TNIK: variants seen among roughly 807,000 people sequenced by gnomAD.
TNIK encodes the protein TRAF2 and NCK-interacting protein kinase.
Under a neutral mutation model 191.3 loss-of-function variants are expected in TNIK, and 49 were observed. The ratio of observed to expected loss-of-function variants is 0.26; its 90% CI spans 0.20 to 0.32. The LOEUF (loss-of-function observed/expected upper bound fraction) is 0.32. Among genes scored for constraint, TNIK ranks in the 10% least tolerant of loss-of-function variants. The probability of loss-of-function intolerance (pLI) is 1.00; values close to 1 mark genes in which losing one functional copy is unlikely to be tolerated. For missense variants in TNIK, 1,155 were observed against 1,702.3 expected (o/e 0.68, Z 5.66); for synonymous variants, 594 against 600.9 (o/e 0.99, Z 0.17).
chr3:171,205,251 C>T (rs1408686499), intron 4 of TNIK, among the ~76,000 whole-genome samples: 2 of 152,126 alleles, frequency 1.3e-5, no homozygotes, highest in African/African-American at 2.4e-5. Context: ...CTTGATTTGT[C>T]ACCACATCAA....
chr3:171,271,762 A>G (rs1749132946), intron 2 of TNIK, among the ~76,000 whole-genome samples: 1 of 152,228 alleles, frequency 6.6e-6, no homozygotes, highest in South Asian at 2.1e-4. Context: ...ACAACCTATT[A>G]TATATAACTT....
chr3:171,090,237 G>C (rs1721883810), intron 23 of TNIK, among the ~76,000 whole-genome samples: 1 of 152,074 alleles, frequency 6.6e-6, no homozygotes, highest in African/African-American at 2.4e-5. Flanking sequence ...GGCAGCAAGA[G>C]AGCCAGAGAC....
intron 2 of TNIK, among the ~76,000 whole-genome samples, chr3:171,368,799 C>T (rs912431380): frequency 1.3e-5 from 2 of 152,028 alleles, no homozygotes; most frequent in East Asian, 1.9e-4. Context: ...CATCCCATAT[C>T]GCTGCCACTA....
chr3:171,227,278 C>T (rs1420673870), intron 3 of TNIK, among the ~76,000 whole-genome samples: 1 of 152,120 alleles, frequency 6.6e-6, no homozygotes. Flanking sequence ...ATTATCCAGG[C>T]AGAAATTTTG....
intron 2 of TNIK, among the ~76,000 whole-genome samples, chr3:171,253,607 C>G (rs547650683): frequency 1.3e-3 from 184 of 144,254 alleles, no homozygotes; most frequent in African/African-American, 4.4e-3. Flanking sequence ...CCACCCCACC[C>G]CCAGTTATCT....
At chr3:171,411,840 G>C (rs763148954) in intron 1 of TNIK, among the ~76,000 whole-genome samples, 19 of 152,228 alleles carry the variant, frequency 1.2e-4, no homozygotes, top group Non-Finnish European at 2.2e-4. Flanking sequence ...CCAGCAACTT[G>C]TTAATGAATA....
intron 2 of TNIK, among the ~76,000 whole-genome samples, chr3:171,304,515 T>C (rs1374689851): frequency 6.6e-6 from 1 of 152,190 alleles, no homozygotes; most frequent in Admixed American, 6.5e-5. Context: ...ACTGGGTATA[T>C]ACCCAAAGGA....
At chr3:171,346,893 C>T in intron 2 of TNIK, 1 of 367,416 alleles carries the variant, frequency 2.7e-6, no homozygotes, top group Non-Finnish European at 4.9e-6. Context: ...CTCTTGATCA[C>T]ATGGGAAATC....
At chr3:171,210,328 A>C (rs1740639694) in intron 4 of TNIK, among the ~76,000 whole-genome samples, 1 of 152,210 alleles carries the variant, frequency 6.6e-6, no homozygotes, top group African/African-American at 2.4e-5. Flanking sequence ...CCAATACAGC[A>C]TTATAATCTT....
chr3:171,268,942 T>C (rs559572074), intron 2 of TNIK, among the ~76,000 whole-genome samples: 1 of 152,328 alleles, frequency 6.6e-6, no homozygotes, highest in East Asian at 1.9e-4. Flanking sequence ...ATTTATACTT[T>C]CCAGAAGTAT....
intron 2 of TNIK, among the ~76,000 whole-genome samples, chr3:171,234,192 A>T (rs1743994828): frequency 6.6e-6 from 1 of 152,218 alleles, no homozygotes; most frequent in African/African-American, 2.4e-5. Context: ...TGAGGCAAAG[A>T]GGTAGACAAG....
chr3:171,322,948 GGTAA>G (rs994474975), intron 2 of TNIK, among the ~76,000 whole-genome samples: 37 of 151,408 alleles, frequency 2.4e-4, no homozygotes, highest in African/African-American at 9.0e-4. Flanking sequence ...TTTTTACACT[GGTAA>G]GTGTTTGGGG....
intron 1 of TNIK, among the ~76,000 whole-genome samples, chr3:171,400,779 C>T (rs765511677): frequency 2.4e-4 from 36 of 152,088 alleles, no homozygotes; most frequent in Non-Finnish European, 3.2e-4. Context: ...GTCACAAAGA[C>T]AAGGAAAGAG....
At chr3:171,399,590 G>A (rs1720659185) in intron 1 of TNIK, among the ~76,000 whole-genome samples, 1 of 152,096 alleles carries the variant, frequency 6.6e-6, no homozygotes, top group African/African-American at 2.4e-5. Flanking sequence ...CAATGCTAGA[G>A]AATAGTAGGC....
intron 2 of TNIK, among the ~76,000 whole-genome samples, chr3:171,304,807 A>G (rs1028360090): frequency 1.3e-5 from 2 of 152,084 alleles, no homozygotes; most frequent in South Asian, 2.1e-4. Context: ...GAATTGAACA[A>G]TGAGAACACA....
intron 7 of TNIK, among the ~76,000 whole-genome samples, chr3:171,181,451 T>A (rs1047454836): frequency 6.6e-6 from 1 of 152,238 alleles, no homozygotes; most frequent in Non-Finnish European, 1.5e-5. Context: ...TTTTCAACCC[T>A]CATTTTTGTT....
intron 7 of TNIK, among the ~76,000 whole-genome samples, chr3:171,185,747 C>T (rs1737283809): frequency 6.6e-6 from 1 of 152,164 alleles, no homozygotes; most frequent in African/African-American, 2.4e-5. Context: ...TTATAGTGGT[C>T]TTTAAAGACA....
At chr3:171,286,091 A>G (rs543044855) in intron 2 of TNIK, among the ~76,000 whole-genome samples, 32 of 152,230 alleles carry the variant, frequency 2.1e-4, no homozygotes, top group African/African-American at 7.5e-4. Context: ...TTTGCTGGGG[A>G]GAGAGGGGAG....
chr3:171,356,166 T>C (rs1391828182), intron 2 of TNIK, among the ~76,000 whole-genome samples: 2 of 151,618 alleles, frequency 1.3e-5, no homozygotes, highest in East Asian at 3.8e-4. Flanking sequence ...CCAGTCTGAA[T>C]ATAGAGTTTT....
Sources: allele counts gnomAD v4.1 joint callset (sites outside exome capture counted in the v4.1 genomes callset), GRCh38; gene constraint gnomAD v4.1.1; transcripts MANE v1.5; gene names NCBI Gene and HGNC (gene_info 2026-07-23, HGNC 2026-07-21).